The following TREML1 variants were observed in gnomAD, a reference collection of about 807,000 sequenced individuals.
The protein encoded by TREML1 is triggering receptor expressed on myeloid cells like 1.
A neutral mutation model predicts 22.8 loss-of-function variants in TREML1; 27 were observed. That is an observed-to-expected ratio of 1.19 (90% CI 0.87 to 1.64). The LOEUF (loss-of-function observed/expected upper bound fraction) is 1.64. Among genes scored for constraint, TREML1 ranks in the 40% most tolerant of loss-of-function variants. The pLI is 0.00. For synonymous variants in TREML1, 153 were observed against 161.9 expected (o/e 0.94, Z 0.42); for missense variants, 356 against 382.0 (o/e 0.93, Z 0.57).
rs764789514 is a variant in TREML1, at chr6:41,154,088, G to C, written c.46C>G (p.Gln16Glu). 5.6e-6 allele frequency: 9 copies of C among 1,608,724 alleles called. No homozygotes were observed. In the South Asian group the frequency reaches 6.6e-5, roughly 12 times the overall value. ...LLLLLLGLEG[Q>E]GIVGSLPEVL... is the part of the protein sequence containing the mutation. The stretch of plus-strand genomic sequence containing the variant: ...TCAGGGAGGCTGCCAACTATGCCCT[G>C]ACCTGGGGAAGGAAAGGAGGTGGGA... The change falls in exon 2 of 6, where the codon CAG (glutamine) becomes GAG (glutamate). Residue 16 changes from glutamine (Q) to glutamate (E), a missense_variant and splice_region_variant. Physicochemically the swap from Gln to Glu is conservative, Grantham distance 29. Transcript: ENST00000426005.
Position 41,154,061 on chromosome 6 carries a change from C to T in TREML1, c.73G>A (p.Val25Met), listed in dbSNP as rs1765358375. The change falls in exon 2 of 6, where the codon GTG becomes ATG. Residue 25 changes from valine to methionine, a missense_variant. Transcript: ENST00000426005. ...GQGIVGSLPE[V>M]LQAPVGSSIL... Reference sequence around the variant, plus strand: ...GAGCTTCCCACGGGTGCCTGCAGCACCTCAGGGAGGCTGCCAACTATGCCC... The same window carrying T: ...GAGCTTCCCACGGGTGCCTGCAGCATCTCAGGGAGGCTGCCAACTATGCCC... The T allele has an allele frequency of 3.1e-6, 5 of 1,613,566 alleles. No individual in the cohort carries two copies. Among genetic ancestry groups the T allele is most frequent in the East Asian group, 2.2e-5 (1 of 44,872 alleles).
At chr6:41,150,179 C>T in intron 5 of TREML1, 82 bp downstream of exon 5, 1 of 1,486,634 alleles carries the variant, frequency 6.7e-7, no homozygotes, top group Non-Finnish European at 9.3e-7. Context: ...CTTTCTCCAC[C>T]CCATCATCCT....
rs756180790 is a variant in TREML1, at chr6:41,154,297, A to G, written c.-9T>C. The stretch of plus-strand genomic sequence containing the variant: ...AGCAGGGTGAGGCCCATGGCTGGGC[A>G]GAGAAATGTCAACTCCTGGGCTTGC... On this transcript the variant is annotated 5_prime_UTR_variant, in exon 1 of 6. Coordinates refer to ENST00000426005, the MANE Select transcript of TREML1 (RefSeq NM_178174.4). 1.7e-5 allele frequency: 28 copies of G among 1,613,728 alleles called. 2 individuals are homozygous for G. In the South Asian group the frequency reaches 3.0e-4, roughly 17 times the overall value.
chr6:41,151,135 T>TAG (rs1490042710), intron 3 of TREML1, 147 bp downstream of exon 3: 2 of 748,422 alleles, frequency 2.7e-6, no homozygotes, highest in East Asian at 5.2e-5. Flanking sequence ...CAGAGAAGTA[T>TAG]GTATCTGTCT....
At position 41,150,313 on chromosome 6, in the gene TREML1, C is replaced by T; in HGVS notation, c.569G>A (p.Gly190Glu). ...TCGGCCACAGACACCAAGCCTGTTC[C>T]CTGGCAGGACAGACAACAGCAGCAT... ...LFAVMAKRKQ[G>E]NRLGVCGRFL... is the part of the protein sequence containing the mutation. Residue 190 changes from glycine (G) to glutamate (E), a missense_variant and splice_region_variant, in exon 5 of 6, where the codon GGG becomes GAG. Coordinates refer to ENST00000426005, the MANE Select transcript of TREML1 (RefSeq NM_178174.4). 1 of 1,613,972 alleles carries T rather than the reference C, an allele frequency of 6.2e-7. No individual in the cohort carries two copies. Among genetic ancestry groups the T allele is most frequent in the South Asian group, 1.1e-5 (1 of 91,056 alleles).
chr6:41,149,952 C>G (rs1385321797), intron 5 of TREML1, 34 bp from the exon 6 acceptor site: 1 of 1,592,076 alleles, frequency 6.3e-7, no homozygotes, highest in Non-Finnish European at 8.6e-7. Context: ...GGAATGCCTC[C>G]CTCTGCCCCA....
chr6:41,153,833 C>G lies in TREML1; in HGVS notation c.301G>C (p.Glu101Gln), dbSNP rs370662718. ...GCCCCATCCACCATGCAGCCATACTCGCCAGCATCCTCTTCCTGCAGGGTA... is the reference window on the plus strand; with the variant it reads ...GCCCCATCCACCATGCAGCCATACTGGCCAGCATCCTCTTCCTGCAGGGTA... ...MVTLQEEDAGEYGCMVDGARG... is the reference protein window; with the variant it reads ...MVTLQEEDAGQYGCMVDGARG... The change falls in exon 2 of 6, where the codon GAG (glutamate) becomes CAG (glutamine). Residue 101 changes from glutamate to glutamine, a missense_variant. By Grantham distance (29) the Glu-to-Gln change is conservative. Coordinates refer to ENST00000426005, the MANE Select transcript of TREML1 (RefSeq NM_178174.4). 36 of 1,614,058 alleles carry G rather than the reference C, an allele frequency of 2.2e-5. 2 individuals carry two copies. In the South Asian group the frequency reaches 3.8e-4, roughly 17 times the overall value.
In TREML1 at chr6:41,149,533, C is replaced by T. The variant is rs1029541274; in HGVS notation, c.*71G>A. ...CTCAGATATCCTAAGGATCCTAGGG[C>T]ATGAGCTGGCTGGATGGATGCACAG... On this transcript the variant is annotated 3_prime_UTR_variant, in exon 6 of 6. Transcript: ENST00000426005. The T allele has an allele frequency of 9.4e-6, 14 of 1,492,530 alleles. No individual in the cohort carries two copies. Among genetic ancestry groups the T allele is most frequent in the Middle Eastern group, 1.8e-4 (1 of 5,580 alleles). 92.5% of individuals were successfully genotyped at this position (1,492,530 alleles called of 1,614,324 possible).
chr6:41,154,291 C>G lies in TREML1; in HGVS notation c.-3G>C, dbSNP rs1315358145. ...AGCAAGAGCAGGGTGAGGCCCATGG[C>G]TGGGCAGAGAAATGTCAACTCCTGG... On this transcript the variant is annotated 5_prime_UTR_variant, in exon 1 of 6. Coordinates refer to ENST00000426005, the MANE Select transcript of TREML1 (RefSeq NM_178174.4). 6.2e-7 allele frequency: 1 copy of G among 1,613,946 alleles called. No individual in the cohort carries two copies. The highest frequency in any genetic ancestry group is 1.1e-5 in the South Asian group (1 of 91,070).
Position 41,149,803 on chromosome 6 carries a change from G to C in TREML1, c.737C>G (p.Thr246Ser). 6.2e-7 allele frequency: 1 copy of C among 1,614,164 alleles called. No homozygotes were observed. The highest frequency in any genetic ancestry group is 8.5e-7 in the Non-Finnish European group (1 of 1,180,036). Reference sequence around the variant, plus strand: ...TGATGGGGAATCAAGAGGTAGGCTGGTGTAGGTGGTATTGTCAAATGAAGG... The same window carrying C: ...TGATGGGGAATCAAGAGGTAGGCTGCTGTAGGTGGTATTGTCAAATGAAGG... ...SPPSFDNTTYTSLPLDSPSGK... is the reference protein window; with the variant it reads ...SPPSFDNTTYSSLPLDSPSGK... The change falls in exon 6 of 6, where the codon ACC becomes AGC. Residue 246 changes from threonine to serine, a missense_variant. Physicochemically the swap from Thr to Ser is moderately conservative, Grantham distance 58. Transcript: ENST00000426005.
At chr6:41,150,739 C>G in intron 4 of TREML1, 80 bp downstream of exon 4, 1 of 1,307,182 alleles carries the variant, frequency 7.7e-7, no homozygotes, top group Non-Finnish European at 1.1e-6. Flanking sequence ...GGGATTGGAC[C>G]TAGACTCCTG....
At chr6:41,151,430 A>G in intron 2 of TREML1, 46 bp from the exon 3 acceptor site, 4 of 1,524,386 alleles carry the variant, frequency 2.6e-6, no homozygotes, top group Non-Finnish European at 3.6e-6. Context: ...TAATGAGTGC[A>G]TGCCCATATG....
chr6:41,150,458 T>C, intron 4 of TREML1, 145 bp from the exon 5 acceptor site: 1 of 741,746 alleles, frequency 1.3e-6, no homozygotes, highest in Non-Finnish European at 2.2e-6. Context: ...CTTTACCCCT[T>C]CCATCTCCCC....
intron 2 of TREML1, 41 bp downstream of exon 2, chr6:41,153,717 G>A: frequency 1.3e-6 from 2 of 1,538,542 alleles, no homozygotes; most frequent in East Asian, 2.3e-5. Flanking sequence ...GGGGTGGGGA[G>A]GGTAGGTCTA....
At chr6:41,150,732 A>G in intron 4 of TREML1, 87 bp downstream of exon 4, 1 of 1,211,974 alleles carries the variant, frequency 8.3e-7, no homozygotes, top group Non-Finnish European at 1.2e-6. Flanking sequence ...TTGTAGGGGG[A>G]TTGGACCTAG....
At chr6:41,150,227 G>A in intron 5 of TREML1, 34 bp downstream of exon 5, 1 of 1,611,688 alleles carries the variant, frequency 6.2e-7, no homozygotes, top group Non-Finnish European at 8.5e-7. Context: ...GAAAGTCTGG[G>A]GAATTTGGCT....
At position 41,154,082 on chromosome 6, in the gene TREML1, T is replaced by G; in HGVS notation, c.52A>C (p.Ile18Leu). 6.2e-7 allele frequency: 1 copy of G among 1,609,906 alleles called. No homozygotes were observed. Among genetic ancestry groups the G allele is most frequent in the Non-Finnish European group, 8.5e-7 (1 of 1,177,662 alleles). The change falls in exon 2 of 6, where the codon ATA (isoleucine) becomes CTA (leucine). Residue 18 changes from isoleucine to leucine, a missense_variant. By Grantham distance (5) the Ile-to-Leu change is conservative. Transcript: ENST00000426005. ...AGCACCTCAGGGAGGCTGCCAACTA[T>G]GCCCTGACCTGGGGAAGGAAAGGAG... Reference protein sequence around the residue: ...LLLLGLEGQGIVGSLPEVLQA... With the variant: ...LLLLGLEGQGLVGSLPEVLQA...
At chr6:41,153,625 C>T in intron 2 of TREML1, 133 bp downstream of exon 2, 1 of 859,632 alleles carries the variant, frequency 1.2e-6, no homozygotes, top group Non-Finnish European at 1.8e-6. Flanking sequence ...CCCTGCAGAG[C>T]TGTCAAGAGG....
At chr6:41,152,333 T>C (rs1014756641) in intron 2 of TREML1, among the ~76,000 whole-genome samples, 1 of 152,144 alleles carries the variant, frequency 6.6e-6, no homozygotes, top group African/African-American at 2.4e-5. Flanking sequence ...ACCTGCCCCA[T>C]GGCAGCAGGT....
Sources: allele counts gnomAD v4.1 joint callset (sites outside exome capture counted in the v4.1 genomes callset), GRCh38; gene constraint gnomAD v4.1.1; transcripts MANE v1.5; gene names NCBI Gene and HGNC (gene_info 2026-07-23, HGNC 2026-07-21).